The following EPHA5 variants were observed in gnomAD, a reference collection of about 807,000 sequenced individuals.
The protein encoded by EPHA5 is ephrin type-A receptor 5.
In EPHA5, 60 loss-of-function variants were observed where a neutral mutation model predicts 105.0. That is an observed-to-expected ratio of 0.57 (90% CI 0.46 to 0.71). The LOEUF (loss-of-function observed/expected upper bound fraction) is 0.71. Among genes scored for constraint, EPHA5 ranks in the 30% least tolerant of loss-of-function variants. The pLI is 0.00. For synonymous variants in EPHA5, 513 were observed against 449.1 expected, an observed-to-expected ratio of 1.14 and a Z score of -1.80; for missense variants, 1,218 against 1,274.7, an observed-to-expected ratio of 0.96 and a Z score of 0.68.
intron 2 of EPHA5, among the ~76,000 whole-genome samples, chr4:65,606,939 C>T (rs1744285567): frequency 6.6e-6 from 1 of 152,164 alleles, no homozygotes; most frequent in South Asian, 2.1e-4. Flanking sequence ...TGTTTATCAC[C>T]TAACTGCCTC....
intron 13 of EPHA5, among the ~76,000 whole-genome samples, chr4:65,349,571 A>T (rs954642966): frequency 1.3e-5 from 2 of 152,118 alleles, no homozygotes; most frequent in Non-Finnish European, 2.9e-5. Context: ...TTTAATTTAC[A>T]TTGCAAGGGA....
intron 5 of EPHA5, among the ~76,000 whole-genome samples, chr4:65,448,181 A>G (rs1199941323): frequency 6.6e-6 from 1 of 151,928 alleles, no homozygotes. Context: ...AAGCTCTTTT[A>G]GAGGACAATT....
chr4:65,579,092 C>T (rs182517218), intron 3 of EPHA5, among the ~76,000 whole-genome samples: 54 of 151,648 alleles, frequency 3.6e-4, no homozygotes, highest in African/African-American at 1.3e-3. Flanking sequence ...ACTTTTATAG[C>T]CAGCAGGAAG....
At chr4:65,339,766 C>G (rs1417621109) in intron 14 of EPHA5, among the ~76,000 whole-genome samples, 1 of 152,110 alleles carries the variant, frequency 6.6e-6, no homozygotes, top group Non-Finnish European at 1.5e-5. Context: ...AGGACACCAT[C>G]CCTTTGCAGG....
At chr4:65,559,205 T>A (rs1738764902) in intron 3 of EPHA5, among the ~76,000 whole-genome samples, 1 of 152,192 alleles carries the variant, frequency 6.6e-6, no homozygotes, top group Non-Finnish European at 1.5e-5. Flanking sequence ...CAACCACTTT[T>A]TAAAATGTAT....
intron 8 of EPHA5, among the ~76,000 whole-genome samples, chr4:65,382,985 C>A (rs1210763754): frequency 6.7e-6 from 1 of 150,050 alleles, no homozygotes; most frequent in Admixed American, 6.7e-5. Context: ...ATAATATGTT[C>A]TTTGGTAAGT....
At chr4:65,351,165 A>C (rs1056083903) in intron 13 of EPHA5, among the ~76,000 whole-genome samples, 6 of 152,028 alleles carry the variant, frequency 3.9e-5, no homozygotes, top group Non-Finnish European at 8.8e-5. Context: ...TCTTCAGAAA[A>C]AATGAATTAT....
intron 8 of EPHA5, 74 bp downstream of exon 8, chr4:65,404,300 A>G (rs1381451931): frequency 9.3e-6 from 12 of 1,286,196 alleles, no homozygotes; most frequent in Non-Finnish European, 1.3e-5. Context: ...GGATGTGCTC[A>G]ACAGCCAAAT....
At chr4:65,471,044 C>T (rs1040765421) in intron 5 of EPHA5, among the ~76,000 whole-genome samples, 2 of 152,190 alleles carry the variant, frequency 1.3e-5, no homozygotes, top group Non-Finnish European at 2.9e-5. Flanking sequence ...TGTCCAATAT[C>T]TATACATCAG....
At chr4:65,430,977 T>C (rs186118313) in intron 5 of EPHA5, among the ~76,000 whole-genome samples, 15 of 152,146 alleles carry the variant, frequency 9.9e-5, no homozygotes, top group Non-Finnish European at 1.9e-4. Context: ...ATTGTAAAAC[T>C]CTTAGTTGTA....
chr4:65,470,518 G>C (rs1325683278), intron 5 of EPHA5, among the ~76,000 whole-genome samples: 1 of 152,030 alleles, frequency 6.6e-6, no homozygotes. Flanking sequence ...TATAATAGTA[G>C]AACATGTATT....
chr4:65,435,723 G>T (rs1480944552), intron 5 of EPHA5, among the ~76,000 whole-genome samples: 1 of 151,938 alleles, frequency 6.6e-6, no homozygotes, highest in African/African-American at 2.4e-5. Context: ...GTAAAGAGCT[G>T]AGCCTTTTTA....
rs986999141 is a variant in EPHA5, at chr4:65,542,155, T to C, written c.911-46612A>G. Among the ~76,000 whole-genome samples, 5 of 151,174 alleles carry C rather than the reference T, an allele frequency of 3.3e-5. No homozygotes were observed. In the East Asian group the frequency reaches 9.7e-4, roughly 29 times the overall value. ...AGTTAGAAATATCTCAAATCAACAC[T>C]CTAACATAACAATGAAATGAACTAG... On this transcript the variant is annotated intron_variant, in intron 3 of 16. Transcript: ENST00000613740.
chr4:65,552,192 G>A (rs1261911751), intron 3 of EPHA5, among the ~76,000 whole-genome samples: 2 of 152,174 alleles, frequency 1.3e-5, no homozygotes, highest in African/African-American at 4.8e-5. Flanking sequence ...AATTACAGGA[G>A]CTGAGAATGT....
At chr4:65,410,695 T>C (rs1254701644) in intron 7 of EPHA5, among the ~76,000 whole-genome samples, 3 of 152,200 alleles carry the variant, frequency 2.0e-5, no homozygotes, top group Non-Finnish European at 4.4e-5. Flanking sequence ...TGGTGAAAAC[T>C]AGGTAAAGTG....
intron 5 of EPHA5, among the ~76,000 whole-genome samples, chr4:65,484,048 T>C (rs1730640684): frequency 6.6e-6 from 1 of 152,170 alleles, no homozygotes; most frequent in Admixed American, 6.6e-5. Context: ...TAGGTGGTGG[T>C]TCAAGTACAG....
intron 3 of EPHA5, among the ~76,000 whole-genome samples, chr4:65,556,963 G>T (rs1738505436): frequency 6.6e-6 from 1 of 151,676 alleles, no homozygotes; most frequent in South Asian, 2.1e-4. Flanking sequence ...CACTTCCTCT[G>T]TCAAAATATT....
At chr4:65,538,654 C>T (rs1187655866) in intron 3 of EPHA5, among the ~76,000 whole-genome samples, 1 of 151,554 alleles carries the variant, frequency 6.6e-6, no homozygotes, top group Non-Finnish European at 1.5e-5. Context: ...ATGTAGTCTT[C>T]ATTCTTAATA....
chr4:65,510,312 T>C (rs1733492598), intron 3 of EPHA5, among the ~76,000 whole-genome samples: 4 of 152,042 alleles, frequency 2.6e-5, no homozygotes, highest in Non-Finnish European at 4.4e-5. Flanking sequence ...CCCAAAGTGC[T>C]GGGATTACAG....
Sources: allele counts gnomAD v4.1 joint callset (sites outside exome capture counted in the v4.1 genomes callset), GRCh38; gene constraint gnomAD v4.1.1; transcripts MANE v1.5; gene names NCBI Gene and HGNC (gene_info 2026-07-23, HGNC 2026-07-21).